Variants in DIPK1A observed in about 807,000 individuals in gnomAD.
DIPK1A encodes divergent protein kinase domain 1A.
DIPK1A carries 27 observed loss-of-function variants against 40.8 expected under a neutral mutation model. The observed-to-expected ratio is 0.66, with a 90% CI of 0.49 to 0.91. DIPK1A has a LOEUF of 0.91. Among genes scored for constraint, DIPK1A ranks in the 40% least tolerant of loss-of-function variants. The probability of loss-of-function intolerance (pLI) is 0.00; values close to 1 mark genes in which losing one functional copy is unlikely to be tolerated. For missense variants in DIPK1A, 412 were observed against 505.7 expected (o/e 0.81, Z 1.78); for synonymous variants, 166 against 171.3 (o/e 0.97, Z 0.24).
In DIPK1A at chr1:92,846,835, A is replaced by ACACACACACG. The variant is rs1437128759; in HGVS notation, c.474+347_474+348insCGTGTGTGTG. 5.9e-3 allele frequency among the ~76,000 whole-genome samples: 25 copies of ACACACACACG among 4,204 alleles called. 2 individuals carry two copies. The highest frequency in any genetic ancestry group is 0.036 in the East Asian group (1 of 28). 2.8% of individuals were successfully genotyped at this position (4,204 alleles called of 152,430 possible). On this transcript the variant is annotated intron_variant, in intron 4 of 4. Transcript: ENST00000370310. ...TATATATATATATATATATATATAT[A>ACACACACACG]TATATATGTGTGTATATATATATGT...
intron 2 of DIPK1A, among the ~76,000 whole-genome samples, chr1:92,858,109 T>C (rs994119312): frequency 1.3e-5 from 2 of 152,230 alleles, no homozygotes; most frequent in African/African-American, 4.8e-5. Flanking sequence ...GCTGGGTTTT[T>C]ATCCGGAAGT....
intron 1 of DIPK1A, among the ~76,000 whole-genome samples, chr1:92,925,092 T>C (rs1650438636): frequency 6.6e-6 from 1 of 152,234 alleles, no homozygotes; most frequent in Non-Finnish European, 1.5e-5. Context: ...ATTAATGTGG[T>C]GGATTACATT....
chr1:92,871,789 T>C (rs1647873872), intron 2 of DIPK1A, among the ~76,000 whole-genome samples: 1 of 152,218 alleles, frequency 6.6e-6, no homozygotes, highest in African/African-American at 2.4e-5. Flanking sequence ...GTAGCATGTA[T>C]CAGAATTTTA....
downstream of DIPK1A, chr1:92,840,525 G>A: frequency 1.9e-6 from 3 of 1,552,876 alleles, no homozygotes; most frequent in Non-Finnish European, 2.7e-6. Context: ...ATGAAACCAA[G>A]TACTGTTTGC....
chr1:92,924,652 G>GTAGGCTT (rs1223221560), intron 1 of DIPK1A, among the ~76,000 whole-genome samples: 4 of 152,200 alleles, frequency 2.6e-5, no homozygotes, highest in Non-Finnish European at 5.9e-5. Context: ...TCGGTCCGGA[G>GTAGGCTT]TAGGCTTTCA....
chr1:92,837,894 G>C (rs6659942), downstream of DIPK1A: 10 of 479,832 alleles, frequency 2.1e-5, no homozygotes, highest in Non-Finnish European at 3.8e-5. Context: ...CTGCTTTGTT[G>C]GATAAGAGGT....
At chr1:92,921,710 T>C (rs1364102161) in intron 1 of DIPK1A, among the ~76,000 whole-genome samples, 5 of 152,164 alleles carry the variant, frequency 3.3e-5, no homozygotes, top group East Asian at 1.9e-4. Flanking sequence ...GGCTAAAAGT[T>C]TGATCCTGCC....
chr1:92,956,597 C>T (rs1651864642), intron 1 of DIPK1A, among the ~76,000 whole-genome samples: 1 of 152,192 alleles, frequency 6.6e-6, no homozygotes, highest in Non-Finnish European at 1.5e-5. Context: ...ATTTTTACTA[C>T]AGTATTTGGC....
chr1:92,841,708 T>C (rs1687370332), downstream of DIPK1A: 11 of 1,060,208 alleles, frequency 1.0e-5, no homozygotes, highest in Admixed American at 2.7e-5. Context: ...AATTTTAAAT[T>C]AAATATTCTA....
chr1:92,961,455 C>T lies in DIPK1A; in HGVS notation c.-26G>A. 6.8e-7 allele frequency: 1 copy of T among 1,472,094 alleles called. No homozygotes were observed. Among genetic ancestry groups the T allele is most frequent in the Non-Finnish European group, 9.1e-7 (1 of 1,103,824 alleles). The allele number at this position is 1,472,094 out of a possible 1,614,324, so 91.2% of individuals were successfully genotyped here. A position where few individuals can be genotyped will look rare whatever the true frequency, so the allele number is the denominator to read the frequency against. On this transcript the variant is annotated 5_prime_UTR_variant, in exon 1 of 5. Coordinates refer to ENST00000370310, the MANE Select transcript of DIPK1A (RefSeq NM_001006605.5). ...GGTAATCACACATCGCCCCGCCGCGCTGCAGTCAGAGGCGGACCCGAGCGC... is the reference window on the plus strand; with the variant it reads ...GGTAATCACACATCGCCCCGCCGCGTTGCAGTCAGAGGCGGACCCGAGCGC...
intron 3 of DIPK1A, 106 bp downstream of exon 3, chr1:92,850,742 T>C: frequency 1.5e-6 from 1 of 668,860 alleles, no homozygotes; most frequent in Non-Finnish European, 2.6e-6. Flanking sequence ...GAAATACATA[T>C]AATGTCTCAA....
intron 2 of DIPK1A, among the ~76,000 whole-genome samples, chr1:92,866,595 C>T (rs1057399225): frequency 2.0e-5 from 3 of 152,108 alleles, no homozygotes; most frequent in African/African-American, 7.2e-5. Context: ...GGCCATAGCC[C>T]CCAGTTATCA....
At chr1:92,890,924 G>A (rs1044514226) in intron 1 of DIPK1A, among the ~76,000 whole-genome samples, 1 of 152,102 alleles carries the variant, frequency 6.6e-6, no homozygotes, top group Non-Finnish European at 1.5e-5. Context: ...TTCTGCAGTG[G>A]AGCCATTGGG....
chr1:92,850,750 C>T (rs1687792633), intron 3 of DIPK1A, 98 bp downstream of exon 3: 3 of 709,644 alleles, frequency 4.2e-6, no homozygotes, highest in East Asian at 2.7e-5. Flanking sequence ...TATAATGTCT[C>T]AAAGCTTTGG....
At chr1:92,846,829 A>G (rs1207430648) in intron 4 of DIPK1A, among the ~76,000 whole-genome samples, 1 of 6,534 alleles carries the variant, frequency 1.5e-4, no homozygotes, top group Non-Finnish European at 2.1e-4. Flanking sequence ...ATATATATAT[A>G]TATATATATA....
intron 1 of DIPK1A, among the ~76,000 whole-genome samples, chr1:92,955,552 G>C (rs1252168947): frequency 6.6e-6 from 1 of 151,816 alleles, no homozygotes; most frequent in Non-Finnish European, 1.5e-5. Flanking sequence ...CAAAAAATTA[G>C]CCAGGAGTGG....
intron 1 of DIPK1A, among the ~76,000 whole-genome samples, chr1:92,920,150 TTA>T (rs1382648326): frequency 6.6e-6 from 1 of 152,188 alleles, no homozygotes; most frequent in Non-Finnish European, 1.5e-5. Flanking sequence ...ATGATAAAAA[TTA>T]TATCCAAGTG....
chr1:92,913,314 C>G (rs1649909088), intron 1 of DIPK1A, among the ~76,000 whole-genome samples: 1 of 151,904 alleles, frequency 6.6e-6, no homozygotes, highest in South Asian at 2.1e-4. Context: ...CCTAAGTTGA[C>G]AGCAGCCCTG....
At chr1:92,926,814 T>A (rs1412241379) in intron 1 of DIPK1A, among the ~76,000 whole-genome samples, 3 of 152,262 alleles carry the variant, frequency 2.0e-5, no homozygotes, top group Admixed American at 2.0e-4. Context: ...AATTATCTAT[T>A]CTAACTCTCG....
Sources: allele counts gnomAD v4.1 joint callset (sites outside exome capture counted in the v4.1 genomes callset), GRCh38; gene constraint gnomAD v4.1.1; transcripts MANE v1.5; gene names NCBI Gene and HGNC (gene_info 2026-07-23, HGNC 2026-07-21).